Variants in ZBTB7A observed in about 807,000 individuals in gnomAD.
ZBTB7A encodes zinc finger and BTB domain-containing protein 7A.
A neutral mutation model predicts 26.7 loss-of-function variants in ZBTB7A; 7 were observed. The observed-to-expected ratio is 0.26, with a 90% CI of 0.15 to 0.49. The LOEUF (loss-of-function observed/expected upper bound fraction) is 0.49. Ranked by LOEUF, ZBTB7A falls within the 20% of genes least tolerant of loss-of-function variation. The pLI, the probability that ZBTB7A is intolerant of heterozygous loss-of-function variation, is 0.98. For synonymous variants in ZBTB7A, 452 were observed against 441.0 expected, an observed-to-expected ratio of 1.02 and a Z score of -0.31; for missense variants, 617 against 919.5, an observed-to-expected ratio of 0.67 and a Z score of 4.25.
chr19:4,065,386 G>GCCTC (rs2040684618), intron 1 of ZBTB7A: 5 of 144,528 alleles, frequency 3.5e-5, no homozygotes, highest in Non-Finnish European at 7.7e-5. Flanking sequence ...GCCCCCGCCC[G>GCCTC]GCCCGCGGTC....
chr19:4,066,390 C>T (rs987083854), intron 1 of ZBTB7A, among the ~76,000 whole-genome samples: 3 of 150,556 alleles, frequency 2.0e-5, no homozygotes, highest in African/African-American at 7.3e-5. Context: ...CCGCTCCCCG[C>T]GCGCCTGGGA....
At chr19:4,066,161 TC>T (rs1300080838) in intron 1 of ZBTB7A, among the ~76,000 whole-genome samples, 1 of 6,646 alleles carries the variant, frequency 1.5e-4, no homozygotes, top group Non-Finnish European at 3.0e-4. Context: ...CCCTTCCCCC[TC>T]CTTTCCGAAG....
In ZBTB7A at chr19:4,048,310, C is replaced by T. The variant is rs2040450509; in HGVS notation, c.1263-66G>A. ...GGGACCCCCGATCCCCGCCCAGGGA[C>T]CCTCACGGACACGGCAGGCCCTGGA... On this transcript the variant is annotated intron_variant, in intron 2 of 2. Transcript: ENST00000322357. This position sits in a 1 kb window ranked among gnomAD's most constrained non-coding sequence, Gnocchi z 6.7. The T allele has an allele frequency of 1.3e-6, 2 of 1,485,388 alleles. No homozygotes were observed. The highest frequency in any genetic ancestry group is 1.3e-5 in the South Asian group (1 of 76,874). 92.0% of individuals were successfully genotyped at this position (1,485,388 alleles called of 1,614,324 possible).
At chr19:4,066,463 C>G (rs1046782676) in intron 1 of ZBTB7A, among the ~76,000 whole-genome samples, 4 of 151,446 alleles carry the variant, frequency 2.6e-5, no homozygotes, top group Admixed American at 2.6e-4. Context: ...CACTTAGCCC[C>G]CAATCCCCCC....
chr19:4,052,283 C>A lies in ZBTB7A; in HGVS notation c.1262+1688G>T, dbSNP rs2040512238. On this transcript the variant is annotated intron_variant, in intron 2 of 2. Coordinates refer to ENST00000322357, the MANE Select transcript of ZBTB7A (RefSeq NM_015898.4). This position sits in a 1 kb window ranked among gnomAD's most constrained non-coding sequence, Gnocchi z 4.9. Reference sequence around the variant, plus strand: ...TCTGCAGACCCCAGTTCTCTGCACCCCACCAAGCTGCTCTTCCTGAGCTCA... The same window carrying A: ...TCTGCAGACCCCAGTTCTCTGCACCACACCAAGCTGCTCTTCCTGAGCTCA... Among the ~76,000 whole-genome samples the A allele has an allele frequency of 6.6e-6, 1 of 152,192 alleles. No individual in the cohort carries two copies. Among genetic ancestry groups the A allele is most frequent in the African/African-American group, 2.4e-5 (1 of 41,442 alleles).
chr19:4,064,131 A>C (rs565483492), intron 1 of ZBTB7A, among the ~76,000 whole-genome samples: 1 of 152,194 alleles, frequency 6.6e-6, no homozygotes, highest in Non-Finnish European at 1.5e-5. Flanking sequence ...GGACCCATCC[A>C]CTGCCTGCGG....
chr19:4,056,312 G>C (rs1036427986), intron 1 of ZBTB7A, among the ~76,000 whole-genome samples: 3 of 152,228 alleles, frequency 2.0e-5, no homozygotes, highest in African/African-American at 4.8e-5. Context: ...AGAGCAGTCA[G>C]ATGCCCTGTT....
rs1177937595 is a variant in ZBTB7A, at chr19:4,049,187, T to C, written c.1263-943A>G. Among the ~76,000 whole-genome samples, 2 of 27,568 alleles carry C rather than the reference T, an allele frequency of 7.3e-5. 1 individual carries two copies. Among genetic ancestry groups the C allele is most frequent in the African/African-American group, 1.6e-4 (2 of 12,868 alleles). The allele number at this position is 27,568 out of a possible 152,430, so 18.1% of individuals were successfully genotyped here. A position where few individuals can be genotyped will look rare whatever the true frequency, so the allele number is the denominator to read the frequency against. ...GTGTGTGTATATATATATATATATA[T>C]ATATATATATATATATATATATGTA... On this transcript the variant is annotated intron_variant, in intron 2 of 2. Transcript: ENST00000322357.
intron 1 of ZBTB7A, among the ~76,000 whole-genome samples, chr19:4,060,122 ACTC>A (rs2040624028): frequency 6.7e-6 from 1 of 149,974 alleles, no homozygotes; most frequent in Non-Finnish European, 1.5e-5. Context: ...CTTGGTGCTG[ACTC>A]GGCGGCCGAG....
In ZBTB7A at chr19:4,044,100, G is replaced by A. The variant is rs1050263546; in HGVS notation, c.*3652C>T. Among the ~76,000 whole-genome samples, 8 of 151,828 alleles carry A rather than the reference G, an allele frequency of 5.3e-5. No individual in the cohort carries two copies. Among genetic ancestry groups the A allele is most frequent in the Non-Finnish European group, 1.0e-4 (7 of 67,940 alleles). On this transcript the variant is annotated 3_prime_UTR_variant, in exon 3 of 3. Coordinates refer to ENST00000322357, the MANE Select transcript of ZBTB7A (RefSeq NM_015898.4). ...CCTGTGAGGTGACCGCTCCTGCCACGGCCCCGGGGTCTGAATCGTGCAAAG... is the reference window on the plus strand; with the variant it reads ...CCTGTGAGGTGACCGCTCCTGCCACAGCCCCGGGGTCTGAATCGTGCAAAG...
chr19:4,053,900 G>A (rs949869962), intron 2 of ZBTB7A, 71 bp downstream of exon 2: 289 of 1,498,420 alleles, frequency 1.9e-4, no homozygotes, highest in Admixed American at 5.9e-4. Context: ...GGAGAGAGGC[G>A]GGAGGGGTCG....
At chr19:4,065,277 G>A (rs868643560) in intron 1 of ZBTB7A, among the ~76,000 whole-genome samples, 103 of 149,858 alleles carry the variant, frequency 6.9e-4, no homozygotes, top group African/African-American at 2.3e-3. Context: ...GGCCGTCCGG[G>A]CAGGGCGAGG....
intron 1 of ZBTB7A, among the ~76,000 whole-genome samples, chr19:4,064,828 C>G (rs766308556): frequency 2.6e-5 from 4 of 152,160 alleles, no homozygotes; most frequent in Admixed American, 2.0e-4. Flanking sequence ...CTGCCTCCCC[C>G]CGCCTCGCCG....
In ZBTB7A at chr19:4,054,331, G is replaced by C. The variant is rs1247050674; in HGVS notation, c.902C>G (p.Ala301Gly). ...GGGCCCGTCCCCGTCCTCGCCCTCGGCCGCTCCCGACAGGAAGCCCGGAGA... is the reference window on the plus strand; with the variant it reads ...GGGCCCGTCCCCGTCCTCGCCCTCGCCCGCTCCCGACAGGAAGCCCGGAGA... ...GDSPGFLSGA[A>G]EGEDGDGPDV... is the part of the protein sequence containing the mutation. Residue 301 changes from alanine (A) to glycine (G), a missense_variant, in exon 2 of 3, where the codon GCC (alanine) becomes GGC (glycine). Ala to Gly is a moderately conservative substitution (Grantham distance 60). This residue lies in a region of ZBTB7A where 331 missense variants were observed against 391.3 expected (regional missense o/e 0.85). Coordinates refer to ENST00000322357, the MANE Select transcript of ZBTB7A (RefSeq NM_015898.4). 6.6e-7 allele frequency: 1 copy of C among 1,512,812 alleles called. No homozygotes were observed. The highest frequency in any genetic ancestry group is 2.1e-5 in the Admixed American group (1 of 46,520). The allele number at this position is 1,512,812 out of a possible 1,614,324, so 93.7% of individuals were successfully genotyped here.
Position 4,043,514 on chromosome 19 carries a change from GTCTA to G in ZBTB7A, c.*4234_*4237del, listed in dbSNP as rs1450427148. ...AGACTCTCAATACAGTCTCTGGAAT[GTCTA>G]TCTGTCTGTGCTCTGTACCCTGAGG... On this transcript the variant is annotated 3_prime_UTR_variant, in exon 3 of 3. Transcript: ENST00000322357. Among the ~76,000 whole-genome samples, 11 of 148,216 alleles carry G rather than the reference GTCTA, an allele frequency of 7.4e-5. No individual in the cohort carries two copies. The South Asian group carries it at 1.9e-3, about 26-fold the overall frequency.
In ZBTB7A at chr19:4,054,048, G is replaced by C. The variant is rs747832412; in HGVS notation, c.1185C>G (p.Gly395=). Residue 395 remains glycine, a synonymous_variant, in exon 2 of 3, where the codon GGC becomes GGG. Transcript: ENST00000322357. The part of the protein sequence containing the change: ...PICEKVIQGA[G]KLPRHIRTHT... ...GGGTGCGGATGTGTCGCGGCAGCTT[G>C]CCGGCGCCCTGGATGACCTTCTCGC... 1 of 1,612,352 alleles carries C rather than the reference G, an allele frequency of 6.2e-7. No homozygotes were observed. Among genetic ancestry groups the C allele is most frequent in the South Asian group, 1.1e-5 (1 of 91,082 alleles).
At chr19:4,053,156 C>T (rs962821370) in intron 2 of ZBTB7A, among the ~76,000 whole-genome samples, 12 of 152,194 alleles carry the variant, frequency 7.9e-5, no homozygotes, top group African/African-American at 2.9e-4. Flanking sequence ...GAAGGAAGAA[C>T]GACTGTGCCT....
In ZBTB7A at chr19:4,049,211, T is replaced by TATATATATATATATATATATA. The variant is rs1265213875; in HGVS notation, c.1263-968_1263-967insTATATATATATATATATATAT. Among the ~76,000 whole-genome samples, 38 of 43,164 alleles carry TATATATATATATATATATATA rather than the reference T, an allele frequency of 8.8e-4. 8 individuals are homozygous for TATATATATATATATATATATA. The highest frequency in any genetic ancestry group is 1.6e-3 in the Non-Finnish European group (29 of 17,778). The allele number at this position is 43,164 out of a possible 152,430, so 28.3% of individuals were successfully genotyped here. On this transcript the variant is annotated intron_variant, in intron 2 of 2. Transcript: ENST00000322357. ...ATATATATATATATATATATATATG[T>TATATATATATATATATATATA]AAGTTTGAGAGATGGGGGTTGAGCT...
chr19:4,063,433 A>C (rs1187760400), intron 1 of ZBTB7A, among the ~76,000 whole-genome samples: 1 of 152,194 alleles, frequency 6.6e-6, no homozygotes, highest in African/African-American at 2.4e-5. Context: ...CTGAGGACCA[A>C]GGTGAGACGA....
Sources: allele counts gnomAD v4.1 joint callset (sites outside exome capture counted in the v4.1 genomes callset), GRCh38; gene constraint gnomAD v4.1.1; regional missense constraint gnomAD v4.1.1; non-coding constraint Gnocchi (gnomAD v3.1); transcripts MANE v1.5; gene names NCBI Gene and HGNC (gene_info 2026-07-23, HGNC 2026-07-21).